The following LHFPL4 variants were observed in gnomAD, a reference collection of about 807,000 sequenced individuals.
The protein encoded by LHFPL4 is LHFPL tetraspan subfamily member 4, also known as LHFPL tetraspan subfamily member 4 protein.
LHFPL4 carries 6 observed loss-of-function variants against 20.0 expected under a neutral mutation model. The ratio of observed to expected loss-of-function variants is 0.30; its 90% confidence interval spans 0.16 to 0.59. The LOEUF is 0.59. Ranked by LOEUF, LHFPL4 falls within the 20% of genes least tolerant of loss-of-function variation. The pLI, the probability that LHFPL4 is intolerant of heterozygous loss-of-function variation, is 0.88. For missense variants in LHFPL4, 215 were observed against 331.2 expected (o/e 0.65, Z 2.72); for synonymous variants, 129 against 143.8 (o/e 0.90, Z 0.74).
chr3:9,522,390 A>C (rs181256075), intron 2 of LHFPL4, among the ~76,000 whole-genome samples: 1 of 152,320 alleles, frequency 6.6e-6, no homozygotes, highest in Non-Finnish European at 1.5e-5. Flanking sequence ...TGTATAATTG[A>C]AAACACTGTT....
chr3:9,547,857 G>T (rs2046526138), intron 2 of LHFPL4, among the ~76,000 whole-genome samples: 1 of 152,084 alleles, frequency 6.6e-6, no homozygotes, highest in Admixed American at 6.6e-5. Context: ...CCAGGCTGGA[G>T]TGCAGTGGCA....
Position 9,552,829 on chromosome 3 carries a change from TG to T in LHFPL4, c.-151del. ...GCGAGGGCGGGGCCTGGGGCAGAGCTGGGGGCGTCTGGGAGCTGCTAAGGGA... is the reference window on the plus strand; with the variant it reads ...GCGAGGGCGGGGCCTGGGGCAGAGCTGGGGCGTCTGGGAGCTGCTAAGGGA... On this transcript the variant is annotated 5_prime_UTR_variant, in exon 2 of 4. Coordinates refer to ENST00000287585, the MANE Select transcript of LHFPL4 (RefSeq NM_198560.3). The T allele has an allele frequency of 4.5e-6, 1 of 223,066 alleles. No individual in the cohort carries two copies. Among genetic ancestry groups the T allele is most frequent in the Non-Finnish European group, 7.6e-6 (1 of 131,380 alleles). The allele number at this position is 223,066 out of a possible 1,614,324, so 13.8% of individuals were successfully genotyped here.
intron 2 of LHFPL4, among the ~76,000 whole-genome samples, chr3:9,541,430 G>C (rs1407255271): frequency 6.6e-6 from 1 of 152,208 alleles, no homozygotes; most frequent in Non-Finnish European, 1.5e-5. Flanking sequence ...ACATGCAAAA[G>C]AATGATGTTG....
chr3:9,549,981 C>T (rs936146401), intron 2 of LHFPL4, among the ~76,000 whole-genome samples: 7 of 152,180 alleles, frequency 4.6e-5, no homozygotes, highest in African/African-American at 1.4e-4. Context: ...ATCTTCCCAC[C>T]TCAGCCTCCC....
At chr3:9,503,515 A>T (rs927502650) in intron 3 of LHFPL4, among the ~76,000 whole-genome samples, 7 of 152,284 alleles carry the variant, frequency 4.6e-5, no homozygotes, top group Admixed American at 2.6e-4. Flanking sequence ...AGAGCTCCCA[A>T]AGCCGTGCAG....
intron 2 of LHFPL4, among the ~76,000 whole-genome samples, chr3:9,533,114 C>T (rs1412559884): frequency 1.3e-5 from 2 of 152,164 alleles, no homozygotes; most frequent in African/African-American, 4.8e-5. Flanking sequence ...GAAGGTGATC[C>T]AGCACCAGGT....
rs6763448 is a variant in LHFPL4 at position 9,552,755 on chromosome 3, G to A, written c.-76C>T. ...CCCGGGACGGAGCGCCGGGCTGCCG[G>A]GCGGGAGCTGGGGACGCACGCGAGA... On this transcript the variant is annotated 5_prime_UTR_variant, in exon 2 of 4. Transcript: ENST00000287585. The A allele has an allele frequency of 0.07, 63,808 of 915,518 alleles. 2,639 individuals carry two copies. The highest frequency in any genetic ancestry group is 0.076 in the Non-Finnish European group (56,385 of 739,812). 56.7% of individuals were successfully genotyped at this position (915,518 alleles called of 1,614,324 possible). A position where few individuals can be genotyped will look rare whatever the true frequency, so the allele number is the denominator to read the frequency against.
chr3:9,543,219 C>T (rs1034405871), intron 2 of LHFPL4, among the ~76,000 whole-genome samples: 11 of 151,960 alleles, frequency 7.2e-5, no homozygotes, highest in East Asian at 1.9e-4. Flanking sequence ...AGTGGGTCCT[C>T]GGCCGGGCAT....
chr3:9,530,476 A>G (rs1339830821), intron 2 of LHFPL4, among the ~76,000 whole-genome samples: 1 of 152,236 alleles, frequency 6.6e-6, no homozygotes, highest in East Asian at 1.9e-4. Flanking sequence ...ACAGAATGGA[A>G]CAGAGTTAGG....
intron 2 of LHFPL4, among the ~76,000 whole-genome samples, chr3:9,551,441 C>T (rs745937927): frequency 5.3e-5 from 8 of 151,432 alleles, no homozygotes; most frequent in Non-Finnish European, 7.4e-5. Context: ...TATCTCTGAT[C>T]GAAAGGTGGG....
At chr3:9,508,057 A>T (rs888788337) in intron 2 of LHFPL4, among the ~76,000 whole-genome samples, 8 of 152,174 alleles carry the variant, frequency 5.3e-5, no homozygotes, top group Non-Finnish European at 1.2e-4. Context: ...GATGACAGCA[A>T]TGTAAAGTGG....
At chr3:9,544,505 C>G (rs1048975837) in intron 2 of LHFPL4, among the ~76,000 whole-genome samples, 2 of 151,816 alleles carry the variant, frequency 1.3e-5, no homozygotes, top group Non-Finnish European at 1.5e-5. Context: ...GGCACCTGTA[C>G]TCCCAGCTAC....
chr3:9,504,025 C>T (rs749388181), intron 3 of LHFPL4, among the ~76,000 whole-genome samples: 3 of 151,958 alleles, frequency 2.0e-5, no homozygotes, highest in Admixed American at 6.6e-5. Context: ...GGCCCCCTCC[C>T]CCAATCTCTT....
intron 2 of LHFPL4, among the ~76,000 whole-genome samples, chr3:9,517,634 C>A (rs1462658175): frequency 7.0e-6 from 1 of 142,822 alleles, no homozygotes; most frequent in African/African-American, 2.6e-5. Flanking sequence ...CCACAGTAAG[C>A]TATGATTGAG....
Position 9,502,065 on chromosome 3 carries a change from T to C in LHFPL4, c.*146A>G. The C allele has an allele frequency of 3.0e-6, 2 of 659,004 alleles. No individual in the cohort carries two copies. Among genetic ancestry groups the C allele is most frequent in the Non-Finnish European group, 2.7e-6 (1 of 364,772 alleles). 40.8% of individuals were successfully genotyped at this position (659,004 alleles called of 1,614,324 possible). A position where few individuals can be genotyped will look rare whatever the true frequency, so the allele number is the denominator to read the frequency against. Reference sequence around the variant, plus strand: ...CCCAGGCCACATCCAGGCTTTCCTCTCCTCAAAGCCTGGAGCTTGCAGGGT... The same window carrying C: ...CCCAGGCCACATCCAGGCTTTCCTCCCCTCAAAGCCTGGAGCTTGCAGGGT... On this transcript the variant is annotated 3_prime_UTR_variant, in exon 4 of 4. Coordinates refer to ENST00000287585, the MANE Select transcript of LHFPL4 (RefSeq NM_198560.3).
chr3:9,526,502 G>A (rs974804636), intron 2 of LHFPL4, among the ~76,000 whole-genome samples: 1 of 152,146 alleles, frequency 6.6e-6, no homozygotes, highest in African/African-American at 2.4e-5. Flanking sequence ...GTCGGCTGTG[G>A]TCTAACATCC....
At chr3:9,529,347 A>G (rs1013217533) in intron 2 of LHFPL4, among the ~76,000 whole-genome samples, 5 of 152,162 alleles carry the variant, frequency 3.3e-5, no homozygotes, top group African/African-American at 9.7e-5. Context: ...AATGTTCTTA[A>G]TGGCATATCT....
At chr3:9,509,231 C>T (rs2046241116) in intron 2 of LHFPL4, among the ~76,000 whole-genome samples, 2 of 113,660 alleles carry the variant, frequency 1.8e-5, no homozygotes, top group Admixed American at 1.9e-4. Context: ...CCCTTTTCAT[C>T]TTTCTTCGCA....
chr3:9,551,699 A>T (rs1283633388), intron 2 of LHFPL4, among the ~76,000 whole-genome samples: 4 of 152,080 alleles, frequency 2.6e-5, no homozygotes, highest in African/African-American at 4.8e-5. Flanking sequence ...CATCTCAAAC[A>T]GTGGATAAGC....
Sources: gnomAD v4.1 joint callset for allele counts (sites outside exome capture counted in the v4.1 genomes callset) on GRCh38, gnomAD v4.1.1 for gene constraint, MANE v1.5 for transcripts, NCBI Gene and HGNC (gene_info 2026-07-23, HGNC 2026-07-21) for gene names.